Variants in ERC2 observed in about 807,000 individuals in gnomAD.
ERC2 encodes ELKS/RAB6-interacting/CAST family member 2, also known as ERC protein 2.
Under a neutral mutation model 114.8 loss-of-function variants are expected in ERC2, and 42 were observed. The ratio of observed to expected loss-of-function variants is 0.37; its 90% confidence interval spans 0.29 to 0.47. ERC2 has a LOEUF of 0.47. ERC2 is among the 20% of genes least tolerant of loss of function. The pLI, the probability that ERC2 is intolerant of heterozygous loss-of-function variation, is 0.99. For missense variants in ERC2, 939 were observed against 1,150.7 expected, an observed-to-expected ratio of 0.82 and a Z score of 2.66; for synonymous variants, 454 against 425.5, an observed-to-expected ratio of 1.07 and a Z score of -0.82.
intron 14 of ERC2, among the ~76,000 whole-genome samples, chr3:55,863,800 A>T (rs2062130906): frequency 6.6e-6 from 1 of 152,010 alleles, no homozygotes; most frequent in Non-Finnish European, 1.5e-5. Flanking sequence ...TATTACTGAG[A>T]TGCTTTCTAT....
At chr3:55,753,315 C>G (rs1218549525) in intron 14 of ERC2, among the ~76,000 whole-genome samples, 1 of 152,106 alleles carries the variant, frequency 6.6e-6, no homozygotes. Context: ...TATATATGTG[C>G]CTTTGACAAG....
At chr3:56,017,339 T>A (rs980679441) in intron 8 of ERC2, among the ~76,000 whole-genome samples, 5 of 152,170 alleles carry the variant, frequency 3.3e-5, no homozygotes, top group African/African-American at 4.8e-5. Context: ...GGAAATCATT[T>A]TAAAAGTAAG....
intron 13 of ERC2, among the ~76,000 whole-genome samples, chr3:55,934,261 A>G (rs1204287523): frequency 6.6e-6 from 1 of 152,186 alleles, no homozygotes; most frequent in Non-Finnish European, 1.5e-5. Flanking sequence ...AGGCATGCAA[A>G]TCTTCAATAC....
intron 1 of ERC2, among the ~76,000 whole-genome samples, chr3:56,442,545 A>T (rs2062367287): frequency 6.6e-6 from 1 of 152,100 alleles, no homozygotes; most frequent in South Asian, 2.1e-4. Flanking sequence ...AAGTACCAAC[A>T]TTGTGCTACT....
chr3:56,035,796 C>T (rs2074756213), intron 7 of ERC2, among the ~76,000 whole-genome samples: 1 of 152,210 alleles, frequency 6.6e-6, no homozygotes, highest in African/African-American at 2.4e-5. Flanking sequence ...TACAAACTAC[C>T]CATTCTCAGG....
chr3:56,247,610 T>C lies in ERC2; in HGVS notation c.1074+48409A>G, dbSNP rs111816274. ...CTTTCATTAGAGAAATAGTCTTTCT[T>C]ACAACTATTGAAGACTGACCAAGAA... is the stretch of plus-strand genomic sequence containing the variant. On this transcript the variant is annotated intron_variant, in intron 3 of 17. Transcript: ENST00000288221. Among the ~76,000 whole-genome samples the C allele has an allele frequency of 3.4e-3, 518 of 152,334 alleles. 2 individuals carry two copies. The highest frequency in any genetic ancestry group is 0.012 in the African/African-American group (501 of 41,574).
chr3:56,245,267 G>A (rs940506649), intron 3 of ERC2, among the ~76,000 whole-genome samples: 4 of 151,684 alleles, frequency 2.6e-5, no homozygotes, highest in East Asian at 1.9e-4. Context: ...AAAACCAAGC[G>A]CATTTACAGC....
At chr3:55,619,376 G>A (rs1218576126) in intron 17 of ERC2, among the ~76,000 whole-genome samples, 1 of 152,208 alleles carries the variant, frequency 6.6e-6, no homozygotes, top group African/African-American at 2.4e-5. Context: ...AATCCAAAGT[G>A]ATGTGTCCTT....
intron 17 of ERC2, among the ~76,000 whole-genome samples, chr3:55,531,054 T>C (rs2053634625): frequency 6.6e-6 from 1 of 152,138 alleles, no homozygotes; most frequent in Non-Finnish European, 1.5e-5. Flanking sequence ...TTTTTCCAAG[T>C]CTTTTTGCCC....
intron 14 of ERC2, among the ~76,000 whole-genome samples, chr3:55,767,869 T>C (rs1453713640): frequency 1.3e-5 from 2 of 152,214 alleles, no homozygotes; most frequent in South Asian, 4.1e-4. Context: ...AGGATGGTGA[T>C]ATGGTTTGGA....
In ERC2 at chr3:56,329,984, A is replaced by G. The variant is rs2057534436; in HGVS notation, c.658-33549T>C. ...CAATACACATATATATATTTCAAAT[A>G]TACATATATATTTCCAATAAACATA... is the stretch of plus-strand genomic sequence containing the variant. On this transcript the variant is annotated intron_variant, in intron 2 of 17. Transcript: ENST00000288221. Among the ~76,000 whole-genome samples, 10 of 151,712 alleles carry G rather than the reference A, an allele frequency of 6.6e-5. No individual in the cohort carries two copies. In the South Asian group the frequency reaches 2.1e-3, roughly 32 times the overall value.
chr3:56,223,147 G>A (rs1435859434), intron 3 of ERC2, among the ~76,000 whole-genome samples: 2 of 152,168 alleles, frequency 1.3e-5, no homozygotes, highest in African/African-American at 2.4e-5. Context: ...GTAGCTCTGT[G>A]GAATCTGGAC....
intron 6 of ERC2, among the ~76,000 whole-genome samples, chr3:56,122,026 G>A (rs746875311): frequency 4.6e-5 from 7 of 152,142 alleles, no homozygotes; most frequent in Non-Finnish European, 1.0e-4. Context: ...GACTATTTTG[G>A]CTTTGCCAAA....
intron 17 of ERC2, among the ~76,000 whole-genome samples, chr3:55,546,333 T>C (rs1011232192): frequency 3.3e-5 from 5 of 152,108 alleles, no homozygotes; most frequent in African/African-American, 1.2e-4. Flanking sequence ...GGCAAGACTT[T>C]GTTTAAATCA....
chr3:56,320,230 G>A (rs2150419614), intron 2 of ERC2, among the ~76,000 whole-genome samples: 1 of 152,150 alleles, frequency 6.6e-6, no homozygotes. Flanking sequence ...AGAAGAAACA[G>A]GTTAACTACA....
At chr3:55,869,924 T>C (rs2062502785) in intron 14 of ERC2, among the ~76,000 whole-genome samples, 1 of 152,112 alleles carries the variant, frequency 6.6e-6, no homozygotes, top group Admixed American at 6.5e-5. Flanking sequence ...TTCTGCAGCA[T>C]AGAGTGTATT....
At chr3:56,083,011 G>C (rs2077316620) in intron 6 of ERC2, among the ~76,000 whole-genome samples, 1 of 152,130 alleles carries the variant, frequency 6.6e-6, no homozygotes, top group South Asian at 2.1e-4. Context: ...TGGAAAAACT[G>C]TCTTCCACAA....
At chr3:56,126,773 A>T (rs2079887574) in intron 6 of ERC2, among the ~76,000 whole-genome samples, 1 of 147,974 alleles carries the variant, frequency 6.8e-6, no homozygotes, top group South Asian at 2.2e-4. Context: ...GAAGGAAGGA[A>T]GGAAAGAAAG....
At position 56,217,795 on chromosome 3, in the gene ERC2, A is replaced by G. The variant is rs536677307; in HGVS notation, c.1075-44275T>C. Among the ~76,000 whole-genome samples the G allele has an allele frequency of 2.0e-5, 3 of 152,364 alleles. 1 individual carries two copies. The South Asian group carries it at 6.2e-4, about 32-fold the overall frequency. The stretch of plus-strand genomic sequence containing the variant: ...GGTACTGGTATCAAAACAGATTTAT[A>G]GACCAATGGAACAGAACAGAGCCCT... On this transcript the variant is annotated intron_variant, in intron 3 of 17. Transcript: ENST00000288221.
Sources: allele counts gnomAD v4.1 joint callset (sites outside exome capture counted in the v4.1 genomes callset), GRCh38; gene constraint gnomAD v4.1.1; transcripts MANE v1.5; gene names NCBI Gene and HGNC (gene_info 2026-07-23, HGNC 2026-07-21).